PSPC1: variants seen among roughly 807,000 people sequenced by gnomAD.
The protein encoded by PSPC1 is paraspeckle protein 1.
Under a neutral mutation model 51.6 loss-of-function variants are expected in PSPC1, and 14 were observed. That is an observed-to-expected ratio of 0.27 (90% CI 0.18 to 0.42). The LOEUF is 0.42. PSPC1 is among the 10% of genes least tolerant of loss of function. The pLI, the probability that PSPC1 is intolerant of heterozygous loss-of-function variation, is 1.00. For missense variants in PSPC1, 406 were observed against 701.1 expected (o/e 0.58, Z 4.75); for synonymous variants, 193 against 231.9 (o/e 0.83, Z 1.53).
intron 2 of PSPC1, among the ~76,000 whole-genome samples, chr13:19,769,915 A>AC (rs1888462632): frequency 6.6e-6 from 1 of 152,180 alleles, no homozygotes; most frequent in Middle Eastern, 3.2e-3. Flanking sequence ...ACAGCAATTT[A>AC]CCCCTAAATA....
chr13:19,750,914 T>C (rs950320409), intron 4 of PSPC1, among the ~76,000 whole-genome samples: 1 of 151,884 alleles, frequency 6.6e-6, no homozygotes, highest in Non-Finnish European at 1.5e-5. Flanking sequence ...GGATTACAGG[T>C]GCGCACCACC....
rs577119525 is a variant in PSPC1 at position 19,708,692 on chromosome 13, A to G, written c.1216+850T>C. Among the ~76,000 whole-genome samples, 256 of 152,320 alleles carry G rather than the reference A, an allele frequency of 1.7e-3. 1 individual carries two copies. The highest frequency in any genetic ancestry group is 3.4e-3 in the Middle Eastern group (1 of 294). ...GTTATAGACTACAAACACTGAGTGCACTTCTGTGCACAACACTGTAGGTTA... is the reference window on the plus strand; with the variant it reads ...GTTATAGACTACAAACACTGAGTGCGCTTCTGTGCACAACACTGTAGGTTA... On this transcript the variant is annotated intron_variant, in intron 7 of 8. Coordinates refer to ENST00000338910, the MANE Select transcript of PSPC1 (RefSeq NM_001354909.2).
intron 4 of PSPC1, among the ~76,000 whole-genome samples, chr13:19,745,416 GA>G (rs1356423574): frequency 1.3e-5 from 2 of 151,986 alleles, no homozygotes; most frequent in Non-Finnish European, 2.9e-5. Flanking sequence ...TACAGGTACA[GA>G]AAAAAGGAAT....
downstream of PSPC1, among the ~76,000 whole-genome samples, chr13:19,699,178 A>G (rs1879614929): frequency 6.6e-6 from 1 of 151,952 alleles, no homozygotes; most frequent in East Asian, 1.9e-4. Flanking sequence ...CACATAGAAG[A>G]CACTACTTTT....
chr13:19,731,560 C>A lies in PSPC1; in HGVS notation c.1053-1216G>T, dbSNP rs151170893. Reference sequence around the variant, plus strand: ...TCCCAAGTAGCTGGGACTACGGGCACGTGCCACTATGTCCAGATAATGTTT... The same window carrying A: ...TCCCAAGTAGCTGGGACTACGGGCAAGTGCCACTATGTCCAGATAATGTTT... On this transcript the variant is annotated intron_variant, in intron 5 of 8. Coordinates refer to ENST00000338910, the MANE Select transcript of PSPC1 (RefSeq NM_001354909.2). 3.9e-5 allele frequency among the ~76,000 whole-genome samples: 6 copies of A among 152,232 alleles called. No homozygotes were observed. In the East Asian group the frequency reaches 9.6e-4, roughly 24 times the overall value.
chr13:19,690,561 G>T (rs1480849859), intron 6 of PSPC1, among the ~76,000 whole-genome samples: 1 of 152,172 alleles, frequency 6.6e-6, no homozygotes, highest in African/African-American at 2.4e-5. Flanking sequence ...AGAAACCTCA[G>T]GTAGGCGTTT....
At chr13:19,707,989 C>G (rs746762572) in intron 7 of PSPC1, among the ~76,000 whole-genome samples, 1 of 152,136 alleles carries the variant, frequency 6.6e-6, no homozygotes, top group Non-Finnish European at 1.5e-5. Flanking sequence ...ATTTAGAACA[C>G]TCTTGGTTCA....
At chr13:19,704,544 T>C (rs1442573669) in intron 8 of PSPC1, among the ~76,000 whole-genome samples, 2 of 152,284 alleles carry the variant, frequency 1.3e-5, no homozygotes, top group African/African-American at 2.4e-5. Context: ...CAAGATTTCA[T>C]ACAGTAGTTT....
intron 2 of PSPC1, among the ~76,000 whole-genome samples, chr13:19,766,463 C>G (rs147431837): frequency 6.6e-6 from 1 of 152,116 alleles, no homozygotes; most frequent in African/African-American, 2.4e-5. Flanking sequence ...GAGGCCAAAA[C>G]GAGCAGATCA....
At chr13:19,704,408 T>C (rs1211532162) in intron 8 of PSPC1, among the ~76,000 whole-genome samples, 1 of 152,294 alleles carries the variant, frequency 6.6e-6, no homozygotes, top group Non-Finnish European at 1.5e-5. Flanking sequence ...TGATAAATGC[T>C]GCATTCAACT....
rs1888679625 is a variant in PSPC1 at position 19,772,121 on chromosome 13, A to ATATT, written c.674+117_674+120dup. 1.6e-5 allele frequency: 17 copies of ATATT among 1,080,788 alleles called. No homozygotes were observed. In the South Asian group the frequency reaches 2.6e-4, roughly 17 times the overall value. 66.9% of individuals were successfully genotyped at this position (1,080,788 alleles called of 1,614,324 possible). A position where few individuals can be genotyped will look rare whatever the true frequency, so the allele number is the denominator to read the frequency against. On this transcript the variant is annotated intron_variant, in intron 2 of 8. Coordinates refer to ENST00000338910, the MANE Select transcript of PSPC1 (RefSeq NM_001354909.2). ...AAAATTTCTTATTTATATTCACTGA[A>ATATT]TATTTACTCAACACCTACTTACCAT...
intron 6 of PSPC1, among the ~76,000 whole-genome samples, chr13:19,688,042 C>G (rs1402478467): frequency 6.6e-6 from 1 of 151,970 alleles, no homozygotes; most frequent in African/African-American, 2.4e-5. Context: ...AAGTTGATAC[C>G]TAGGTATTTC....
At chr13:19,765,511 T>G in intron 2 of PSPC1, among the ~76,000 whole-genome samples, 1 of 56,112 alleles carries the variant, frequency 1.8e-5, no homozygotes, top group Non-Finnish European at 5.3e-5. Flanking sequence ...TTTTTTTTTT[T>G]TTTTTGAGAG....
intron 2 of PSPC1, among the ~76,000 whole-genome samples, chr13:19,769,489 C>T (rs538584976): frequency 3.3e-4 from 50 of 152,036 alleles, no homozygotes; most frequent in African/African-American, 1.2e-3. Flanking sequence ...GGAGGCGGAG[C>T]TTGAAGTGAG....
chr13:19,728,834 T>C (rs3783039), intron 6 of PSPC1, among the ~76,000 whole-genome samples: 39,114 of 152,016 alleles, frequency 0.26, 5,543 homozygotes, highest in African/African-American at 0.36. Flanking sequence ...AATACGGATA[T>C]CCCAAAAAGT....
chr13:19,683,243 C>T (rs1331611229), intron 6 of PSPC1, among the ~76,000 whole-genome samples: 1 of 152,006 alleles, frequency 6.6e-6, no homozygotes, highest in Non-Finnish European at 1.5e-5. Flanking sequence ...ACAATAGCCC[C>T]AAAAATAAAA....
At chr13:19,673,937 T>C (rs965848178), downstream of PSPC1, among the ~76,000 whole-genome samples, 2 of 152,226 alleles carry the variant, frequency 1.3e-5, no homozygotes, top group Admixed American at 1.3e-4. Flanking sequence ...CTTATGTGAC[T>C]GAGGACACAG....
At chr13:19,772,199 A>G (rs1012327879) in intron 2 of PSPC1, 43 bp downstream of exon 2, 14 of 1,573,022 alleles carry the variant, frequency 8.9e-6, no homozygotes, top group Non-Finnish European at 1.2e-5. Flanking sequence ...AGAGAAGCCC[A>G]TATGTAACTG....
At chr13:19,689,521 G>C (rs958767593) in intron 6 of PSPC1, among the ~76,000 whole-genome samples, 7 of 152,040 alleles carry the variant, frequency 4.6e-5, no homozygotes, top group Non-Finnish European at 8.8e-5. Flanking sequence ...ATGTCAACTT[G>C]AACATTTTAA....
Sources: gnomAD v4.1 joint callset for allele counts (sites outside exome capture counted in the v4.1 genomes callset) on GRCh38, gnomAD v4.1.1 for gene constraint, MANE v1.5 for transcripts, NCBI Gene and HGNC (gene_info 2026-07-23, HGNC 2026-07-21) for gene names.